WDR17: variants seen among roughly 807,000 people sequenced by gnomAD.
The protein encoded by WDR17 is WD repeat-containing protein 17.
A neutral mutation model predicts 161.7 loss-of-function variants in WDR17; 143 were observed. The ratio of observed to expected loss-of-function variants is 0.88; its 90% CI spans 0.77 to 1.02. The LOEUF (loss-of-function observed/expected upper bound fraction) is 1.02, where lower values mean the gene tolerates loss of function less well. Among genes scored for constraint, WDR17 ranks in the 50% least tolerant of loss-of-function variants. The pLI is 0.00. For synonymous variants in WDR17, 517 were observed against 515.6 expected, an observed-to-expected ratio of 1.00 and a Z score of -0.04; for missense variants, 1,469 against 1,520.9, an observed-to-expected ratio of 0.97 and a Z score of 0.57.
At chr4:176,077,585 G>A (rs1343677010) in intron 1 of WDR17, among the ~76,000 whole-genome samples, 2 of 151,774 alleles carry the variant, frequency 1.3e-5, no homozygotes, top group African/African-American at 4.8e-5. Flanking sequence ...TGAGTTTTTT[G>A]GTGTATTTTT....
intron 1 of WDR17, among the ~76,000 whole-genome samples, chr4:176,092,230 A>G (rs183433166): frequency 6.6e-6 from 1 of 152,314 alleles, no homozygotes; most frequent in African/African-American, 2.4e-5. Flanking sequence ...TCAACAGCAT[A>G]TTAAAAAAGA....
chr4:176,175,319 T>C (rs905484084), intron 26 of WDR17, among the ~76,000 whole-genome samples: 3 of 152,208 alleles, frequency 2.0e-5, no homozygotes, highest in Non-Finnish European at 4.4e-5. Context: ...CAGGTTACTA[T>C]TTTAATATTT....
intron 28 of WDR17, among the ~76,000 whole-genome samples, chr4:176,177,937 A>G (rs920917609): frequency 7.4e-6 from 1 of 135,790 alleles, no homozygotes; most frequent in African/African-American, 2.8e-5. Flanking sequence ...GTGAGCCGAG[A>G]TCGAGCCATT....
At chr4:176,076,252 T>C (rs56152450) in intron 1 of WDR17, among the ~76,000 whole-genome samples, 3,684 of 67,844 alleles carry the variant, frequency 0.054, 164 homozygotes, top group African/African-American at 0.13. Context: ...TATATATATA[T>C]ATACACACAC....
chr4:176,128,375 A>G (rs191611159), intron 5 of WDR17, among the ~76,000 whole-genome samples: 3 of 151,968 alleles, frequency 2.0e-5, no homozygotes, highest in Admixed American at 2.0e-4. Flanking sequence ...AAGATTGATT[A>G]TTTAAGGTTA....
chr4:176,090,985 A>T (rs1014020259), intron 1 of WDR17, among the ~76,000 whole-genome samples: 3 of 152,146 alleles, frequency 2.0e-5, no homozygotes, highest in Non-Finnish European at 2.9e-5. Context: ...GTGGTTTTCC[A>T]CCCTGGGTGG....
chr4:176,154,376 G>T (rs1206017526), intron 17 of WDR17, among the ~76,000 whole-genome samples: 3 of 152,146 alleles, frequency 2.0e-5, no homozygotes, highest in Non-Finnish European at 2.9e-5. Flanking sequence ...AGCTACTCAG[G>T]AGGCTGAGGC....
chr4:176,134,929 G>T (rs1744150800), intron 7 of WDR17, among the ~76,000 whole-genome samples, 179 bp from the exon 8 acceptor site: 1 of 151,602 alleles, frequency 6.6e-6, no homozygotes, highest in South Asian at 2.1e-4. Context: ...TACAGTAATG[G>T]CACAGAGAAC....
intron 7 of WDR17, among the ~76,000 whole-genome samples, chr4:176,133,378 T>TAA (rs571544131): frequency 0.029 from 2,111 of 72,722 alleles, 119 homozygotes; most frequent in East Asian, 0.085. Context: ...TCTACTAAGC[T>TAA]AAAAAAAAAA....
intron 6 of WDR17, among the ~76,000 whole-genome samples, chr4:176,130,720 G>A (rs899735993): frequency 1.4e-4 from 21 of 150,334 alleles, no homozygotes; most frequent in Non-Finnish European, 2.2e-4. Context: ...ACTCCAGCCC[G>A]GGCAACAGAG....
At chr4:176,116,522 C>T (rs781230575) in intron 3 of WDR17, among the ~76,000 whole-genome samples, 164 of 151,926 alleles carry the variant, frequency 1.1e-3, no homozygotes, top group Non-Finnish European at 1.9e-3. Flanking sequence ...CTTATCCCAT[C>T]ATAATGGTAA....
At chr4:176,152,674 C>G (rs1208862656) in intron 17 of WDR17, among the ~76,000 whole-genome samples, 1 of 150,008 alleles carries the variant, frequency 6.7e-6, no homozygotes, top group African/African-American at 2.5e-5. Flanking sequence ...CACACCTGTA[C>G]CTGTAACCCT....
intron 22 of WDR17, among the ~76,000 whole-genome samples, chr4:176,168,381 TAGAGA>T (rs941656305): frequency 2.6e-5 from 4 of 152,150 alleles, no homozygotes; most frequent in African/African-American, 4.8e-5. Context: ...CTACTTAGAT[TAGAGA>T]ATTGTTCTGT....
chr4:176,132,958 A>G (rs1743706754), intron 7 of WDR17, among the ~76,000 whole-genome samples: 1 of 151,666 alleles, frequency 6.6e-6, no homozygotes, highest in South Asian at 2.1e-4. Context: ...GTTGCTTTAC[A>G]TCAGCACTGG....
At chr4:176,175,656 C>A (rs916308482) in intron 26 of WDR17, among the ~76,000 whole-genome samples, 2 of 151,610 alleles carry the variant, frequency 1.3e-5, no homozygotes, top group Non-Finnish European at 2.9e-5. Context: ...CTCCCAAGTT[C>A]ACACCATTCT....
At chr4:176,093,462 T>C (rs1468916311) in intron 1 of WDR17, among the ~76,000 whole-genome samples, 6 of 152,198 alleles carry the variant, frequency 3.9e-5, no homozygotes, top group Non-Finnish European at 7.4e-5. Context: ...TTTCCGACAA[T>C]GAAAACTACT....
chr4:176,147,017 C>T (rs1746289674), intron 12 of WDR17, among the ~76,000 whole-genome samples: 1 of 151,984 alleles, frequency 6.6e-6, no homozygotes, highest in African/African-American at 2.4e-5. Flanking sequence ...CAGGTGTGCG[C>T]CACCACGCCC....
chr4:176,126,134 A>G (rs1463126257), intron 5 of WDR17, among the ~76,000 whole-genome samples: 2 of 152,196 alleles, frequency 1.3e-5, no homozygotes, highest in Non-Finnish European at 2.9e-5. Flanking sequence ...TGCATTGGGG[A>G]TAAAGTTTAT....
intron 7 of WDR17, among the ~76,000 whole-genome samples, chr4:176,132,991 T>G (rs998857792): frequency 1.3e-5 from 2 of 151,580 alleles, no homozygotes; most frequent in African/African-American, 4.8e-5. Context: ...AATCTGGCAG[T>G]GGGTCTTCAA....
Sources: gnomAD v4.1 joint callset for allele counts (sites outside exome capture counted in the v4.1 genomes callset) on GRCh38, gnomAD v4.1.1 for gene constraint, MANE v1.5 for transcripts, NCBI Gene and HGNC (gene_info 2026-07-23, HGNC 2026-07-21) for gene names.